NINJ2: variants seen among roughly 807,000 people sequenced by gnomAD.
The protein encoded by NINJ2 is ninjurin-2.
A neutral mutation model predicts 11.7 loss-of-function variants in NINJ2; 12 were observed. The ratio of observed to expected loss-of-function variants is 1.02; its 90% CI spans 0.66 to 1.66. The LOEUF (loss-of-function observed/expected upper bound fraction) is 1.66. NINJ2 is among the 40% of genes most tolerant of loss of function. The probability of loss-of-function intolerance (pLI) is 0.00; values close to 1 mark genes in which losing one functional copy is unlikely to be tolerated. For missense variants in NINJ2, 187 were observed against 181.8 expected (o/e 1.03, Z -0.16); for synonymous variants, 93 against 76.8 (o/e 1.21, Z -1.10).
chr12:599,196 A>C (rs1947831261), intron 1 of NINJ2, among the ~76,000 whole-genome samples: 1 of 151,912 alleles, frequency 6.6e-6, no homozygotes, highest in Non-Finnish European at 1.5e-5. Context: ...AGCTTGGCCA[A>C]CATGGAGAAA....
chr12:629,292 C>G (rs1948242338), intron 1 of NINJ2, among the ~76,000 whole-genome samples: 1 of 152,140 alleles, frequency 6.6e-6, no homozygotes, highest in African/African-American at 2.4e-5. Context: ...AACAGCTTCC[C>G]AAGTTCACCG....
intron 1 of NINJ2, among the ~76,000 whole-genome samples, chr12:625,916 G>A (rs993653893): frequency 6.6e-6 from 1 of 152,162 alleles, no homozygotes; most frequent in Non-Finnish European, 1.5e-5. Flanking sequence ...TTTATGGGTA[G>A]GAAGCCACAG....
chr12:611,372 C>T (rs1171904667), intron 1 of NINJ2, among the ~76,000 whole-genome samples: 2 of 123,296 alleles, frequency 1.6e-5, no homozygotes, highest in Admixed American at 7.6e-5. Context: ...TTGTCTTGCT[C>T]TGTCACCCAG....
At position 581,165 on chromosome 12, in the gene NINJ2, G is replaced by A. The variant is rs1484625496; in HGVS notation, c.34-14987C>T. Among the ~76,000 whole-genome samples the A allele has an allele frequency of 6.6e-6, 1 of 151,522 alleles. No homozygotes were observed. The highest frequency in any genetic ancestry group is 1.9e-4 in the East Asian group (1 of 5,176). On this transcript the variant is annotated intron_variant, in intron 1 of 3. Transcript: ENST00000305108. This position sits in a 1 kb window ranked among gnomAD's most constrained non-coding sequence, Gnocchi z 4.9. Reference sequence around the variant, plus strand: ...TGTGTGTGTGCATGTGTCTCTGTGTGTGTGTGTGTGTCTGTGTGTGTGTCT... The same window carrying A: ...TGTGTGTGTGCATGTGTCTCTGTGTATGTGTGTGTGTCTGTGTGTGTGTCT...
At chr12:611,707 G>C (rs567381741) in intron 1 of NINJ2, among the ~76,000 whole-genome samples, 9 of 152,206 alleles carry the variant, frequency 5.9e-5, no homozygotes, top group Non-Finnish European at 1.3e-4. Context: ...ACTCCTCCTG[G>C]TTACACCTTT....
intron 1 of NINJ2, 94 bp from the exon 2 acceptor site, chr12:566,272 C>A: frequency 1.9e-6 from 2 of 1,035,124 alleles, no homozygotes; most frequent in Non-Finnish European, 2.9e-6. Flanking sequence ...AAGCTCTTTC[C>A]AATCCAGATG....
chr12:571,434 A>T (rs1414721346), intron 1 of NINJ2, among the ~76,000 whole-genome samples: 5 of 150,004 alleles, frequency 3.3e-5, no homozygotes, highest in Non-Finnish European at 7.4e-5. Flanking sequence ...GGTGATTGGC[A>T]TGGGATGAGG....
rs2120482291 is a variant in NINJ2 at position 640,613 on chromosome 12, C to T, written c.33+22715G>A. ...GATATGGGCTCACTGCAACCTCAGC[C>T]TCTAGGGTTCAAGTGAGTCTCGTGC... On this transcript the variant is annotated intron_variant, in intron 1 of 3. Coordinates refer to ENST00000305108, the MANE Select transcript of NINJ2 (RefSeq NM_016533.6). The surrounding 1 kb of genome is among the most constrained non-coding windows in gnomAD (Gnocchi z 4.0). Among the ~76,000 whole-genome samples, 1 of 152,226 alleles carries T rather than the reference C, an allele frequency of 6.6e-6. No homozygotes were observed. The highest frequency in any genetic ancestry group is 2.1e-4 in the South Asian group (1 of 4,830).
chr12:629,896 A>AAAAAAAAAAAAAAAAAAATAT lies in NINJ2; in HGVS notation c.33+33431_33+33432insATATTTTTTTTTTTTTTTTTT. Among the ~76,000 whole-genome samples, 6 of 9,900 alleles carry AAAAAAAAAAAAAAAAAAATAT rather than the reference A, an allele frequency of 6.1e-4. 1 individual carries two copies. Among genetic ancestry groups the AAAAAAAAAAAAAAAAAAATAT allele is most frequent in the Non-Finnish European group, 1.4e-3 (3 of 2,126 alleles). 6.5% of individuals were successfully genotyped at this position (9,900 alleles called of 152,430 possible). ...GAGCAAAACTCAAAAAAAAAAAAAA[A>AAAAAAAAAAAAAAAAAAATAT]ATATATATATATATATATATATATA... On this transcript the variant is annotated intron_variant, in intron 1 of 3. Coordinates refer to ENST00000305108, the MANE Select transcript of NINJ2 (RefSeq NM_016533.6).
chr12:624,318 C>A (rs1948187859), intron 1 of NINJ2, among the ~76,000 whole-genome samples: 1 of 152,144 alleles, frequency 6.6e-6, no homozygotes, highest in East Asian at 1.9e-4. Flanking sequence ...TTTTAAAAAT[C>A]AATTTATCCA....
intron 1 of NINJ2, chr12:643,858 TGACC>T (rs1357495645): frequency 1.1e-5 from 2 of 182,966 alleles, no homozygotes; most frequent in African/African-American, 4.8e-5. Context: ...ACACTTTCCT[TGACC>T]CCACCGGGTG....
At chr12:601,829 G>A (rs1241303029) in intron 1 of NINJ2, among the ~76,000 whole-genome samples, 1 of 152,192 alleles carries the variant, frequency 6.6e-6, no homozygotes, top group African/African-American at 2.4e-5. Flanking sequence ...TCATGCCAAG[G>A]TGGCAGTGAG....
chr12:580,136 G>A lies in NINJ2; in HGVS notation c.34-13958C>T, dbSNP rs141195389. ...TTACACAGCCTATGCTTCCAGGGCT[G>A]TAGCAGTTAAGGACACAGAATCCAG... On this transcript the variant is annotated intron_variant, in intron 1 of 3. Transcript: ENST00000305108. This position sits in a 1 kb window ranked among gnomAD's most constrained non-coding sequence, Gnocchi z 4.7. 6.0e-3 allele frequency among the ~76,000 whole-genome samples: 907 copies of A among 152,320 alleles called. 4 individuals are homozygous for A. Among genetic ancestry groups the A allele is most frequent in the Non-Finnish European group, 9.1e-3 (620 of 68,040 alleles).
chr12:636,329 T>C (rs1321202865), intron 1 of NINJ2, among the ~76,000 whole-genome samples: 6 of 151,844 alleles, frequency 4.0e-5, no homozygotes, highest in Non-Finnish European at 7.4e-5. Flanking sequence ...TGAGCTGAGA[T>C]CATGCCATTG....
At chr12:593,785 G>A (rs189839426) in intron 1 of NINJ2, among the ~76,000 whole-genome samples, 7 of 151,580 alleles carry the variant, frequency 4.6e-5, no homozygotes, top group Admixed American at 3.9e-4. Flanking sequence ...AGGAGGAAGT[G>A]GAAGAATAAG....
chr12:651,472 C>T (rs1937784472), intron 1 of NINJ2, among the ~76,000 whole-genome samples: 2 of 152,196 alleles, frequency 1.3e-5, no homozygotes, highest in Non-Finnish European at 2.9e-5. Flanking sequence ...CTGTGGAACA[C>T]TTCCCCTCCC....
intron 1 of NINJ2, among the ~76,000 whole-genome samples, chr12:647,795 C>A (rs1269566860): frequency 6.6e-6 from 1 of 152,120 alleles, no homozygotes; most frequent in Non-Finnish European, 1.5e-5. Flanking sequence ...TTTGGTGGGT[C>A]TAAGGATTTG....
rs1592105748 is a variant in NINJ2 at position 628,348 on chromosome 12, A to T, written c.33+34980T>A. 6.6e-6 allele frequency among the ~76,000 whole-genome samples: 1 copy of T among 152,116 alleles called. No homozygotes were observed. The highest frequency in any genetic ancestry group is 1.5e-5 in the Non-Finnish European group (1 of 67,986). On this transcript the variant is annotated intron_variant, in intron 1 of 3. Coordinates refer to ENST00000305108, the MANE Select transcript of NINJ2 (RefSeq NM_016533.6). This position sits in a 1 kb window ranked among gnomAD's most constrained non-coding sequence, Gnocchi z 4.4. ...TCCTCATAGAGATCTCAGAGTACAT[A>T]GGAAGGAGCCAGGTCTTTCCGTTCT...
At chr12:627,662 C>A (rs1475815402) in intron 1 of NINJ2, among the ~76,000 whole-genome samples, 4 of 152,244 alleles carry the variant, frequency 2.6e-5, no homozygotes, top group East Asian at 3.8e-4. Flanking sequence ...CACCTCTGTG[C>A]CCAGACCTGG....
Sources: gnomAD v4.1 joint callset for allele counts (sites outside exome capture counted in the v4.1 genomes callset) on GRCh38, gnomAD v4.1.1 for gene constraint, Gnocchi (gnomAD v3.1) non-coding constraint, MANE v1.5 for transcripts, NCBI Gene and HGNC (gene_info 2026-07-23, HGNC 2026-07-21) for gene names.